The following DIAPH3 variants were observed in gnomAD, a reference collection of about 807,000 sequenced individuals.
The protein encoded by DIAPH3 is diaphanous related formin 3, also known as protein diaphanous homolog 3.
In DIAPH3, 117 loss-of-function variants were observed where a neutral mutation model predicts 144.3. That is an observed-to-expected ratio of 0.81 (90% confidence interval 0.70 to 0.95). The LOEUF is 0.95. DIAPH3 is among the 40% of genes least tolerant of loss of function. The pLI, the probability that DIAPH3 is intolerant of heterozygous loss-of-function variation, is 0.00. For synonymous variants in DIAPH3, 519 were observed against 488.9 expected, an observed-to-expected ratio of 1.06 and a Z score of -0.81; for missense variants, 1,421 against 1,412.7, an observed-to-expected ratio of 1.01 and a Z score of -0.09.
chr13:59,782,610 G>C (rs2038796547), intron 25 of DIAPH3, among the ~76,000 whole-genome samples: 1 of 152,134 alleles, frequency 6.6e-6, no homozygotes, highest in Non-Finnish European at 1.5e-5. Context: ...GAATTTGAAG[G>C]AAGAGGTTGA....
chr13:59,804,779 C>G (rs2040109811), intron 25 of DIAPH3, among the ~76,000 whole-genome samples: 1 of 152,100 alleles, frequency 6.6e-6, no homozygotes. Flanking sequence ...CTGCACAAAA[C>G]TAGAATATGG....
chr13:59,841,672 T>C (rs1348865285), intron 22 of DIAPH3, among the ~76,000 whole-genome samples: 7 of 152,144 alleles, frequency 4.6e-5, no homozygotes, highest in Admixed American at 4.6e-4. Flanking sequence ...TTCAAAAAAG[T>C]AGTGTATTAG....
At chr13:59,824,381 C>G (rs888720354) in intron 24 of DIAPH3, among the ~76,000 whole-genome samples, 1 of 152,134 alleles carries the variant, frequency 6.6e-6, no homozygotes, top group Admixed American at 6.6e-5. Context: ...ACACGTATCA[C>G]TAATAATCTA....
chr13:59,995,486 T>C (rs1216573697), intron 9 of DIAPH3, among the ~76,000 whole-genome samples: 1 of 151,886 alleles, frequency 6.6e-6, no homozygotes, highest in Non-Finnish European at 1.5e-5. Context: ...CAGAAGCAGT[T>C]TACCCCGATA....
intron 20 of DIAPH3, among the ~76,000 whole-genome samples, chr13:59,889,533 C>A (rs2045659759): frequency 6.6e-6 from 1 of 151,890 alleles, no homozygotes. Context: ...AGATCATTTG[C>A]TTTAGTTCTT....
At chr13:60,036,798 G>C (rs2055264036) in intron 5 of DIAPH3, among the ~76,000 whole-genome samples, 1 of 151,892 alleles carries the variant, frequency 6.6e-6, no homozygotes, top group African/African-American at 2.4e-5. Context: ...ATCCAGAATG[G>C]AGTAGAGAGA....
intron 17 of DIAPH3, among the ~76,000 whole-genome samples, chr13:59,968,353 G>C (rs1296066605): frequency 1.3e-5 from 2 of 151,994 alleles, no homozygotes; most frequent in African/African-American, 4.8e-5. Flanking sequence ...GAAAGCAAAA[G>C]GAAAACTAAT....
chr13:60,111,722 G>A (rs1291571250), intron 3 of DIAPH3, among the ~76,000 whole-genome samples: 1 of 152,312 alleles, frequency 6.6e-6, no homozygotes, highest in East Asian at 1.9e-4. Flanking sequence ...TGCCAAAAAG[G>A]TTGGGGACCG....
chr13:60,150,589 T>C (rs1951735654), intron 1 of DIAPH3, among the ~76,000 whole-genome samples: 1 of 152,132 alleles, frequency 6.6e-6, no homozygotes, highest in South Asian at 2.1e-4. Flanking sequence ...GCCCAGCCCG[T>C]TGTATGAGCT....
chr13:59,980,233 T>G (rs143773840), intron 14 of DIAPH3, among the ~76,000 whole-genome samples: 80 of 151,758 alleles, frequency 5.3e-4, no homozygotes, highest in Non-Finnish European at 4.4e-5. Flanking sequence ...AATGGCAATT[T>G]TATAAAGTTC....
At chr13:60,065,253 TAAAA>T (rs11344639) in intron 4 of DIAPH3, among the ~76,000 whole-genome samples, 13 of 88,306 alleles carry the variant, frequency 1.5e-4, no homozygotes, top group Middle Eastern at 7.0e-3. Flanking sequence ...TTTAATTTAT[TAAAA>T]AAAAAAAAAA....
chr13:59,763,978 T>C (rs1035853898), intron 27 of DIAPH3, among the ~76,000 whole-genome samples: 7 of 151,990 alleles, frequency 4.6e-5, no homozygotes, highest in African/African-American at 1.4e-4. Context: ...AGAAAGCCTG[T>C]TCTCTAGACT....
Position 59,833,000 on chromosome 13 carries a change from GA to G in DIAPH3, c.3027+106del, listed in dbSNP as rs1285684046. 12 of 886,026 alleles carry G rather than the reference GA, an allele frequency of 1.4e-5. No individual in the cohort carries two copies. The Middle Eastern group carries it at 9.6e-4, about 71-fold the overall frequency. The allele number at this position is 886,026 out of a possible 1,614,324, so 54.9% of individuals were successfully genotyped here. A position where few individuals can be genotyped will look rare whatever the true frequency, so the allele number is the denominator to read the frequency against. On this transcript the variant is annotated intron_variant, in intron 24 of 27. Transcript: ENST00000400324. ...TGAAATTTTATAGCTTTCAAAATCA[GA>G]AAAGATAGGTTTTCCTACAGCAACA...
At chr13:59,683,679 A>T (rs2033064522) in intron 27 of DIAPH3, among the ~76,000 whole-genome samples, 1 of 152,168 alleles carries the variant, frequency 6.6e-6, no homozygotes, top group Non-Finnish European at 1.5e-5. Flanking sequence ...TGGATTTATA[A>T]CCAGAAGTCC....
Position 59,905,543 on chromosome 13 carries a change from G to A in DIAPH3, c.2367+6192C>T, listed in dbSNP as rs558383839. Among the ~76,000 whole-genome samples the A allele has an allele frequency of 2.0e-4, 30 of 152,172 alleles. 1 individual carries two copies. In the South Asian group the frequency reaches 4.1e-3, roughly 21 times the overall value. On this transcript the variant is annotated intron_variant, in intron 20 of 27. Transcript: ENST00000400324. The stretch of plus-strand genomic sequence containing the variant: ...TACAATGTAGGTAGGCACTATTACT[G>A]TCCCTGTTATAGGCAAAATAACGGT...
chr13:60,030,163 A>T (rs1198885619), intron 5 of DIAPH3, among the ~76,000 whole-genome samples: 1 of 152,106 alleles, frequency 6.6e-6, no homozygotes, highest in Non-Finnish European at 1.5e-5. Flanking sequence ...CACTGAACTG[A>T]TTATACCTTT....
intron 4 of DIAPH3, among the ~76,000 whole-genome samples, chr13:60,060,176 A>G (rs991184383): frequency 1.3e-5 from 2 of 151,642 alleles, no homozygotes; most frequent in African/African-American, 2.4e-5. Flanking sequence ...TCAAAAACAT[A>G]AACAGAACAA....
At chr13:60,037,687 T>C (rs567474041) in intron 5 of DIAPH3, among the ~76,000 whole-genome samples, 1 of 152,062 alleles carries the variant, frequency 6.6e-6, no homozygotes, top group African/African-American at 2.4e-5. Context: ...CAGGAGCAGT[T>C]TGGATGATGA....
chr13:59,871,790 C>T (rs1359194588), intron 21 of DIAPH3, among the ~76,000 whole-genome samples: 1 of 152,154 alleles, frequency 6.6e-6, no homozygotes, highest in East Asian at 1.9e-4. Flanking sequence ...TTAATAGATT[C>T]AGATTATCCA....
Sources: gnomAD v4.1 joint callset for allele counts (sites outside exome capture counted in the v4.1 genomes callset) on GRCh38, gnomAD v4.1.1 for gene constraint, MANE v1.5 for transcripts, NCBI Gene and HGNC (gene_info 2026-07-23, HGNC 2026-07-21) for gene names.